IL18R1: variants seen among roughly 807,000 people sequenced by gnomAD.
The protein encoded by IL18R1 is interleukin-18 receptor 1.
Under a neutral mutation model 48.5 loss-of-function variants are expected in IL18R1, and 40 were observed. The observed-to-expected ratio is 0.82, with a 90% CI of 0.64 to 1.07. The LOEUF (loss-of-function observed/expected upper bound fraction) is 1.07. Ranked by LOEUF, IL18R1 falls within the 50% of genes least tolerant of loss-of-function variation. The pLI, the probability that IL18R1 is intolerant of heterozygous loss-of-function variation, is 0.00. For synonymous variants in IL18R1, 232 were observed against 225.9 expected, an observed-to-expected ratio of 1.03 and a Z score of -0.24; for missense variants, 596 against 633.7, an observed-to-expected ratio of 0.94 and a Z score of 0.64.
At chr2:102,382,148 C>T (rs1679957802) in intron 6 of IL18R1, among the ~76,000 whole-genome samples, 3 of 152,068 alleles carry the variant, frequency 2.0e-5, no homozygotes, top group Admixed American at 2.0e-4. Flanking sequence ...TGGCATGCAC[C>T]TGTAGTCCCA....
At chr2:102,378,827 C>G (rs1434767798) in intron 5 of IL18R1, among the ~76,000 whole-genome samples, 1 of 152,196 alleles carries the variant, frequency 6.6e-6, no homozygotes, top group Non-Finnish European at 1.5e-5. Flanking sequence ...ACCATCCTGG[C>G]TATTTTTCTT....
At chr2:102,394,383 C>A in intron 9 of IL18R1, 86 bp from the exon 10 acceptor site, 3 of 1,104,234 alleles carry the variant, frequency 2.7e-6, no homozygotes, top group Non-Finnish European at 3.9e-6. Context: ...TGATTCTATA[C>A]TCATTACTTA....
chr2:102,381,222 A>T (rs1028925107), intron 5 of IL18R1, among the ~76,000 whole-genome samples: 6 of 152,184 alleles, frequency 3.9e-5, no homozygotes. Context: ...TGCTTTTCTC[A>T]ACCTGTCTTG....
At chr2:102,370,948 C>G (rs1679214085) in intron 3 of IL18R1, among the ~76,000 whole-genome samples, 1 of 152,208 alleles carries the variant, frequency 6.6e-6, no homozygotes, top group African/African-American at 2.4e-5. Context: ...ATCTATACAT[C>G]ACAGGTGCAG....
intron 5 of IL18R1, 30 bp downstream of exon 5, chr2:102,376,093 C>G: frequency 6.6e-7 from 1 of 1,519,856 alleles, no homozygotes; most frequent in Non-Finnish European, 8.8e-7. Flanking sequence ...TGGGAAGAAA[C>G]AGACGTATTT....
rs1678222623 is a variant in IL18R1, at chr2:102,355,982, C to T, written c.-447C>T. The T allele has an allele frequency of 6.6e-6, 1 of 152,276 alleles. No individual in the cohort carries two copies. The highest frequency in any genetic ancestry group is 1.5e-5 in the Non-Finnish European group (1 of 68,120). The allele number at this position is 152,276 out of a possible 1,614,324, so 9.4% of individuals were successfully genotyped here. A position where few individuals can be genotyped will look rare whatever the true frequency, so the allele number is the denominator to read the frequency against. ...TCCTGGAGCACGGCTGCGAGGAGCA[C>T]CCGGACCGGAGGGTCCCCAGACCGG... is the stretch of plus-strand genomic sequence containing the variant. On this transcript the variant is annotated 5_prime_UTR_variant, in exon 1 of 11. Transcript: ENST00000233957.
At chr2:102,360,824 A>G (rs1678533357) in intron 1 of IL18R1, among the ~76,000 whole-genome samples, 1 of 152,222 alleles carries the variant, frequency 6.6e-6, no homozygotes, top group South Asian at 2.1e-4. Context: ...ATATTCTTCT[A>G]TGCCTATTTT....
intron 8 of IL18R1, among the ~76,000 whole-genome samples, chr2:102,388,723 C>T (rs975897973): frequency 5.3e-5 from 8 of 152,160 alleles, no homozygotes; most frequent in Non-Finnish European, 8.8e-5. Flanking sequence ...CGTGTTTTTG[C>T]AAATGTGTGA....
rs1420096 is a variant in IL18R1 at position 102,394,452 on chromosome 2, C to T, written c.1112-17C>T. The T allele has an allele frequency of 0.47, 742,553 of 1,570,424 alleles. 185,344 individuals carry two copies. The highest frequency in any genetic ancestry group is 0.74 in the African/African-American group (54,085 of 73,262). Reference sequence around the variant, plus strand: ...TTTATTTACACATGAATTAAAAGAGCCAATCTTACCTCCTAGATGGAAAAA... The same window carrying T: ...TTTATTTACACATGAATTAAAAGAGTCAATCTTACCTCCTAGATGGAAAAA... On this transcript the variant is annotated splice_polypyrimidine_tract_variant and intron_variant, in intron 9 of 10. Coordinates refer to ENST00000233957, the MANE Select transcript of IL18R1 (RefSeq NM_003855.5).
intron 6 of IL18R1, 107 bp from the exon 7 acceptor site, chr2:102,384,771 G>T (rs1245093349): frequency 4.1e-6 from 5 of 1,206,244 alleles, no homozygotes; most frequent in South Asian, 1.5e-5. Context: ...TTCTGGGATG[G>T]AGCACCACGT....
At chr2:102,362,939 T>C in intron 2 of IL18R1, 1 of 352,924 alleles carries the variant, frequency 2.8e-6, no homozygotes, top group Non-Finnish European at 5.1e-6. Flanking sequence ...TATTTGAAAC[T>C]GAGGAGGTGG....
At chr2:102,387,852 T>C (rs1192304702) in intron 8 of IL18R1, among the ~76,000 whole-genome samples, 1 of 147,662 alleles carries the variant, frequency 6.8e-6, no homozygotes, top group African/African-American at 2.5e-5. Context: ...AACAGACAAC[T>C]CTAGAGAGAT....
Position 102,356,273 on chromosome 2 carries a change from T to G in IL18R1, c.-156T>G, listed in dbSNP as rs1678243308. The G allele has an allele frequency of 1.1e-6, 1 of 890,558 alleles. No homozygotes were observed. Among genetic ancestry groups the G allele is most frequent in the African/African-American group, 1.8e-5 (1 of 54,172 alleles). The allele number at this position is 890,558 out of a possible 1,614,324, so 55.2% of individuals were successfully genotyped here. A position where few individuals can be genotyped will look rare whatever the true frequency, so the allele number is the denominator to read the frequency against. On this transcript the variant is annotated 5_prime_UTR_variant, in exon 1 of 11. Coordinates refer to ENST00000233957, the MANE Select transcript of IL18R1 (RefSeq NM_003855.5). ...CTTTAATCACACCTCTCTTTCACTT[T>G]CCACGGTAGTCAGGAGGCGGAGATC...
chr2:102,375,372 G>C (rs1417926902), intron 4 of IL18R1, among the ~76,000 whole-genome samples: 2 of 152,158 alleles, frequency 1.3e-5, no homozygotes, highest in Non-Finnish European at 2.9e-5. Context: ...GAATATTGCT[G>C]ATGCATTTCT....
At chr2:102,365,448 G>A (rs1573187314) in intron 2 of IL18R1, among the ~76,000 whole-genome samples, 1 of 152,210 alleles carries the variant, frequency 6.6e-6, no homozygotes, top group African/African-American at 2.4e-5. Context: ...GGGCAGCTAT[G>A]CTCCTGTGGC....
rs765900628 is a variant in IL18R1, at chr2:102,368,003, T to C, written c.237T>C (p.His79=). Residue 79 remains histidine (H), a synonymous_variant, in exon 3 of 11, where the codon CAT becomes CAC. Coordinates refer to ENST00000233957, the MANE Select transcript of IL18R1 (RefSeq NM_003855.5). ...GGAGTTCCTCGAGAATTGCTTTGCA[T>C]GATTGTGTTTTGGAGTTTTGGCCAG... ...NPRSSSRIAL[H]DCVLEFWPVE... is the part of the protein sequence containing the mutation. 6 of 1,614,216 alleles carry C rather than the reference T, an allele frequency of 3.7e-6. No homozygotes were observed. Among genetic ancestry groups the C allele is most frequent in the Non-Finnish European group, 4.2e-6 (5 of 1,180,032 alleles).
intron 6 of IL18R1, among the ~76,000 whole-genome samples, chr2:102,384,270 C>A (rs189056007): frequency 6.6e-6 from 1 of 152,340 alleles, no homozygotes; most frequent in Admixed American, 6.5e-5. Flanking sequence ...CAAGTGATAT[C>A]ATACAGCCTT....
At chr2:102,374,988 A>G (rs1030361781) in intron 4 of IL18R1, among the ~76,000 whole-genome samples, 2 of 152,220 alleles carry the variant, frequency 1.3e-5, no homozygotes, top group African/African-American at 4.8e-5. Flanking sequence ...TAGCTTGAAA[A>G]AATTAGTTTG....
Position 102,367,939 on chromosome 2 carries a change from A to G in IL18R1, c.173A>G (p.Lys58Arg). The G allele has an allele frequency of 6.2e-7, 1 of 1,614,254 alleles. No homozygotes were observed. Among genetic ancestry groups the G allele is most frequent in the Non-Finnish European group, 8.5e-7 (1 of 1,180,046 alleles). Residue 58 changes from lysine to arginine, a missense_variant, in exon 3 of 11, where the codon AAA becomes AGA. Transcript: ENST00000233957. ...EIETTTKSWYKSSGSQEHVEL... is the reference protein window; with the variant it reads ...EIETTTKSWYRSSGSQEHVEL... ...GAAACAACCACCAAAAGCTGGTACAAAAGCAGTGGATCACAGGAACATGTG... is the reference window on the plus strand; with the variant it reads ...GAAACAACCACCAAAAGCTGGTACAGAAGCAGTGGATCACAGGAACATGTG...
Sources: allele counts gnomAD v4.1 joint callset (sites outside exome capture counted in the v4.1 genomes callset), GRCh38; gene constraint gnomAD v4.1.1; transcripts MANE v1.5; gene names NCBI Gene and HGNC (gene_info 2026-07-23, HGNC 2026-07-21).